ANK2: variants seen among roughly 807,000 people sequenced by gnomAD.
ANK2 encodes ankyrin-2.
In ANK2, 83 loss-of-function variants were observed where a neutral mutation model predicts 360.5. The ratio of observed to expected loss-of-function variants is 0.23; its 90% CI spans 0.19 to 0.28. The LOEUF (loss-of-function observed/expected upper bound fraction) is 0.28. Ranked by LOEUF, ANK2 falls within the 10% of genes least tolerant of loss-of-function variation. The pLI, the probability that ANK2 is intolerant of heterozygous loss-of-function variation, is 1.00. For synonymous variants in ANK2, 1,740 were observed against 1,759.5 expected (o/e 0.99, Z 0.28); for missense variants, 4,201 against 4,795.7 (o/e 0.88, Z 3.66).
chr4:112,719,285 C>T, the ANK2 span, among the ~76,000 whole-genome samples: 1 of 152,134 alleles, frequency 6.6e-6, no homozygotes, highest in South Asian at 2.1e-4. Context: ...GCATGTAATA[C>T]CACCTCCTCA....
chr4:113,336,347 A>G, intron 30 of ANK2: 2 of 586,546 alleles, frequency 3.4e-6, no homozygotes, highest in South Asian at 2.5e-5. Context: ...TTAAAGAATC[A>G]GATTATTCCT....
At chr4:112,759,293 G>A in the ANK2 span, among the ~76,000 whole-genome samples, 1 of 151,980 alleles carries the variant, frequency 6.6e-6, no homozygotes, top group Non-Finnish European at 1.5e-5. Context: ...ACACCACTGT[G>A]CCTGTAAATA....
intron 1 of ANK2, among the ~76,000 whole-genome samples, chr4:112,874,941 C>G (rs1373253360): frequency 6.6e-6 from 1 of 151,948 alleles, no homozygotes; most frequent in East Asian, 1.9e-4. Flanking sequence ...AACTGAGAGA[C>G]TAGCTGTGGA....
At chr4:112,812,656 G>T in the ANK2 span, among the ~76,000 whole-genome samples, 7 of 152,218 alleles carry the variant, frequency 4.6e-5, no homozygotes, top group African/African-American at 1.7e-4. Context: ...ACCCTTCCCA[G>T]ACTACAGATT....
chr4:112,803,677 A>G, the ANK2 span, among the ~76,000 whole-genome samples: 1 of 152,214 alleles, frequency 6.6e-6, no homozygotes, highest in Non-Finnish European at 1.5e-5. Context: ...TGGAACATAC[A>G]TACACTAAAA....
At chr4:112,752,633 G>A in the ANK2 span, among the ~76,000 whole-genome samples, 1 of 151,132 alleles carries the variant, frequency 6.6e-6, no homozygotes, top group East Asian at 2.0e-4. Flanking sequence ...GTCTCCTAAA[G>A]TGCTGGGATC....
chr4:112,917,917 A>G (rs1455384044), intron 2 of ANK2, among the ~76,000 whole-genome samples: 5 of 152,184 alleles, frequency 3.3e-5, no homozygotes, highest in African/African-American at 1.2e-4. Flanking sequence ...AAACAATAAT[A>G]TAATTTGATT....
chr4:113,155,184 T>C (rs2097238470), intron 1 of ANK2, among the ~76,000 whole-genome samples: 1 of 152,222 alleles, frequency 6.6e-6, no homozygotes, highest in African/African-American at 2.4e-5. Context: ...ACATTAGCTT[T>C]GTGAACCGAG....
intron 2 of ANK2, among the ~76,000 whole-genome samples, chr4:113,180,886 T>C (rs1291786191): frequency 6.6e-6 from 1 of 152,208 alleles, no homozygotes; most frequent in Non-Finnish European, 1.5e-5. Flanking sequence ...AGGTGATGTT[T>C]CCATCTGGTT....
chr4:112,842,303 C>A (rs1441048812), intron 1 of ANK2, among the ~76,000 whole-genome samples: 2 of 152,230 alleles, frequency 1.3e-5, no homozygotes, highest in African/African-American at 4.8e-5. Flanking sequence ...AGCTACCACG[C>A]CCGGCCCAAA....
At chr4:113,230,025 T>C (rs2099272927) in intron 4 of ANK2, among the ~76,000 whole-genome samples, 1 of 152,218 alleles carries the variant, frequency 6.6e-6, no homozygotes, top group African/African-American at 2.4e-5. Flanking sequence ...TTCCCTTCCT[T>C]TGAATCTCTA....
chr4:112,870,480 T>C (rs2072558725), intron 1 of ANK2, among the ~76,000 whole-genome samples: 2 of 152,218 alleles, frequency 1.3e-5, no homozygotes, highest in African/African-American at 4.8e-5. Flanking sequence ...AAGTTAATTT[T>C]CCATATGGTA....
the ANK2 span, among the ~76,000 whole-genome samples, chr4:112,745,017 A>G: frequency 6.6e-6 from 1 of 152,178 alleles, no homozygotes; most frequent in African/African-American, 2.4e-5. Context: ...TTTTCTCTAT[A>G]TGTCATATGT....
At chr4:112,796,546 C>T in the ANK2 span, among the ~76,000 whole-genome samples, 1 of 151,830 alleles carries the variant, frequency 6.6e-6, no homozygotes, top group Non-Finnish European at 1.5e-5. Context: ...GACGGGTTCT[C>T]ACCATGTTGT....
intron 1 of ANK2, among the ~76,000 whole-genome samples, chr4:112,831,383 G>A (rs2059697475): frequency 6.6e-6 from 1 of 152,212 alleles, no homozygotes; most frequent in Non-Finnish European, 1.5e-5. Context: ...AGTGCTCTGT[G>A]TCTAGCTAAT....
intron 43 of ANK2, among the ~76,000 whole-genome samples, chr4:113,372,022 T>C (rs1057310360): frequency 2.0e-5 from 3 of 152,236 alleles, no homozygotes; most frequent in Non-Finnish European, 4.4e-5. Context: ...TCTACCTTTT[T>C]TTGATGCCAG....
chr4:113,049,503 C>G (rs1181215433), upstream of ANK2: 6 of 778,786 alleles, frequency 7.7e-6, no homozygotes, highest in Non-Finnish European at 9.3e-6. Context: ...TTCATTGTAA[C>G]CGGTTCCTGA....
At chr4:113,007,589 T>A (rs1377142589) in intron 2 of ANK2, among the ~76,000 whole-genome samples, 3 of 152,186 alleles carry the variant, frequency 2.0e-5, no homozygotes, top group African/African-American at 7.2e-5. Context: ...TCAGAAAATA[T>A]GACTTACAAC....
chr4:112,711,882 A>G, the ANK2 span, among the ~76,000 whole-genome samples: 1 of 150,614 alleles, frequency 6.6e-6, no homozygotes, highest in East Asian at 1.9e-4. Context: ...AAAAGAAAAA[A>G]GAAAAGCACA....
Sources: gnomAD v4.1 joint callset for allele counts (sites outside exome capture counted in the v4.1 genomes callset) on GRCh38, gnomAD v4.1.1 for gene constraint, MANE v1.5 for transcripts, NCBI Gene and HGNC (gene_info 2026-07-23, HGNC 2026-07-21) for gene names.